CHD4: variants seen among roughly 807,000 people sequenced by gnomAD.
CHD4 encodes the protein chromodomain helicase DNA binding protein 4.
A neutral mutation model predicts 235.5 loss-of-function variants in CHD4; 35 were observed. That is an observed-to-expected ratio of 0.15 (90% CI 0.11 to 0.20). CHD4 has a LOEUF of 0.20. Ranked by LOEUF, CHD4 falls within the 10% of genes least tolerant of loss-of-function variation. CHD4 has a pLI of 1.00. For missense variants in CHD4, 1,329 were observed against 2,432.3 expected (o/e 0.55, Z 9.54); for synonymous variants, 900 against 850.2 (o/e 1.06, Z -1.02).
Position 6,600,576 on chromosome 12 carries a change from G to A in CHD4, c.1021C>T (p.Arg341Cys). 1.2e-6 allele frequency: 2 copies of A among 1,613,880 alleles called. No homozygotes were observed. Among genetic ancestry groups the A allele is most frequent in the Non-Finnish European group, 1.7e-6 (2 of 1,180,002 alleles). ...VSDGSTSRSS[R>C]SRKKLRTTKK... ...GTGGTTCGGAGTTTCTTGCGGCTGC[G>A]GCTACTACGGCTGGTGGAACCATCA... is the stretch of plus-strand genomic sequence containing the variant. Residue 341 changes from arginine to cysteine, a missense_variant, in exon 8 of 40, where the codon CGC becomes TGC. This residue lies in a region of CHD4 where 160 missense variants were observed against 196.6 expected (regional missense o/e 0.81). Transcript: ENST00000544040.
chr12:6,583,229 G>C lies in CHD4; in HGVS notation c.4029C>G (p.Val1343=). The C allele has an allele frequency of 6.2e-7, 1 of 1,614,186 alleles. No individual in the cohort carries two copies. Among genetic ancestry groups the C allele is most frequent in the Non-Finnish European group, 8.5e-7 (1 of 1,180,042 alleles). ...LGKGKRIRKQ[V]NYNDGSQEDR... ...CCTCCTGGGAGCCATCATTGTAGTT[G>C]ACCTGTTTACGGATTCTTTTTCCTT... is the stretch of plus-strand genomic sequence containing the variant. Residue 1343 remains valine (V), a synonymous_variant, in exon 26 of 40, where the codon GTC becomes GTG. Coordinates refer to ENST00000544040, the MANE Select transcript of CHD4 (RefSeq NM_001273.5).
rs771683570 is a variant in CHD4 at position 6,591,872 on chromosome 12, G to A, written c.3090+44C>T. Reference sequence around the variant, plus strand: ...AAAGTATTAAAAGAAAGCCCACATGGAGAAGACCCAACCCAGGGAGGAACA... The same window carrying A: ...AAAGTATTAAAAGAAAGCCCACATGAAGAAGACCCAACCCAGGGAGGAACA... On this transcript the variant is annotated intron_variant, in intron 20 of 39. Coordinates refer to ENST00000544040, the MANE Select transcript of CHD4 (RefSeq NM_001273.5). 9 of 1,613,894 alleles carry A rather than the reference G, an allele frequency of 5.6e-6. No individual in the cohort carries two copies. The Middle Eastern group carries it at 4.9e-4, about 88-fold the overall frequency.
rs1948722495 is a variant in CHD4 at position 6,607,303 on chromosome 12, G to C, written c.-82C>G. 1 of 152,022 alleles carries C rather than the reference G, an allele frequency of 6.6e-6. No individual in the cohort carries two copies. The highest frequency in any genetic ancestry group is 2.0e-4 in the East Asian group (1 of 5,128). 9.4% of individuals were successfully genotyped at this position (152,022 alleles called of 1,614,324 possible). A position where few individuals can be genotyped will look rare whatever the true frequency, so the allele number is the denominator to read the frequency against. ...GGGAACCCCGCGCTCTCCTCACCCCGGAGCCGCCGCAGGTCGCGCTGGGTC... is the reference window on the plus strand; with the variant it reads ...GGGAACCCCGCGCTCTCCTCACCCCCGAGCCGCCGCAGGTCGCGCTGGGTC... On this transcript the variant is annotated 5_prime_UTR_variant, in exon 1 of 40. Coordinates refer to ENST00000544040, the MANE Select transcript of CHD4 (RefSeq NM_001273.5).
At chr12:6,573,053 G>A (rs753428770) in intron 38 of CHD4, 21 bp downstream of exon 38, 10 of 1,588,782 alleles carry the variant, frequency 6.3e-6, no homozygotes, top group East Asian at 2.3e-5. Context: ...ATCGGCAGGA[G>A]GCAGGGGAGC....
intron 38 of CHD4, chr12:6,571,685 G>A (rs1474910296): frequency 6.6e-6 from 1 of 152,232 alleles, no homozygotes; most frequent in Non-Finnish European, 1.5e-5. Context: ...ATTAGCTGGG[G>A]CGCAGTGGCT....
At chr12:6,603,481 GA>G (rs1248296992) in intron 2 of CHD4, among the ~76,000 whole-genome samples, 1 of 147,702 alleles carries the variant, frequency 6.8e-6, no homozygotes, top group Non-Finnish European at 1.5e-5. Context: ...CCTGACCGCA[GA>G]AGCCAGCCCA....
chr12:6,598,321 C>T lies in CHD4; in HGVS notation c.1587G>A (p.Thr529=), dbSNP rs746604364. ...VPRPPDADPN[T]PSPKPLEGRP... is the part of the protein sequence containing the mutation. ...GCCCCTCCAAGGGCTTTGGGGAGGG[C>T]GTGTTGGGATCAGCATCTGGAGGCC... is the stretch of plus-strand genomic sequence containing the variant. Residue 529 remains threonine (T), a synonymous_variant, in exon 11 of 40, where the codon ACG becomes ACA. Transcript: ENST00000544040. 6.8e-6 allele frequency: 11 copies of T among 1,613,982 alleles called. No homozygotes were observed. The highest frequency in any genetic ancestry group is 5.0e-5 in the Admixed American group (3 of 59,992).
chr12:6,575,823 C>CACCCAACA (rs1206711264), intron 37 of CHD4, among the ~76,000 whole-genome samples: 1 of 152,182 alleles, frequency 6.6e-6, no homozygotes, highest in Non-Finnish European at 1.5e-5. Flanking sequence ...CTCCCACCAT[C>CACCCAACA]ACCCAACACA....
intron 10 of CHD4, among the ~76,000 whole-genome samples, chr12:6,598,956 G>T (rs905276957): frequency 6.6e-6 from 1 of 152,216 alleles, no homozygotes; most frequent in Non-Finnish European, 1.5e-5. Flanking sequence ...TGCTCAACCT[G>T]TAATAGAATT....
At chr12:6,589,276 G>A (rs900520009) in intron 22 of CHD4, among the ~76,000 whole-genome samples, 1 of 152,034 alleles carries the variant, frequency 6.6e-6, no homozygotes, top group East Asian at 1.9e-4. Context: ...TACTAATATC[G>A]GTGTGAAAGT....
At chr12:6,605,469 A>T (rs1199953091) in intron 2 of CHD4, among the ~76,000 whole-genome samples, 1 of 152,180 alleles carries the variant, frequency 6.6e-6, no homozygotes, top group African/African-American at 2.4e-5. Context: ...GGGTTTGGCC[A>T]GTTCATGAAG....
chr12:6,572,712 G>A (rs996419724), intron 38 of CHD4, among the ~76,000 whole-genome samples: 8 of 152,058 alleles, frequency 5.3e-5, no homozygotes, highest in East Asian at 1.9e-4. Context: ...CGTGCGTTGC[G>A]CCACATGCCC....
rs376615761 is a variant in CHD4 at position 6,599,733 on chromosome 12, A to G, written c.1482+40T>C. On this transcript the variant is annotated intron_variant, in intron 10 of 39. Transcript: ENST00000544040. ...CAATAGCCTACATAGAAAAGACTAC[A>G]CTTTCCCATTTTTTGCCCCGGCTGA... The G allele has an allele frequency of 4.3e-5, 69 of 1,613,130 alleles. No homozygotes were observed. The South Asian group carries it at 6.4e-4, about 15-fold the overall frequency.
In CHD4 at chr12:6,596,937, C is replaced by A. The variant is rs192609002; in HGVS notation, c.1893-800G>T. 4.5e-4 allele frequency among the ~76,000 whole-genome samples: 65 copies of A among 144,098 alleles called. No homozygotes were observed. In the East Asian group the frequency reaches 1.0e-2, roughly 22 times the overall value. The allele number at this position is 144,098 out of a possible 152,430, so 94.5% of individuals were successfully genotyped here. Reference sequence around the variant, plus strand: ...TCATACCACTGCACTCCAGGCTGGGCCACAGAGCAAGACTCTGTCTCAAAA... The same window carrying A: ...TCATACCACTGCACTCCAGGCTGGGACACAGAGCAAGACTCTGTCTCAAAA... On this transcript the variant is annotated intron_variant, in intron 12 of 39. Transcript: ENST00000544040.
intron 21 of CHD4, 27 bp downstream of exon 21, chr12:6,591,666 TC>T (rs1251361347): frequency 6.2e-7 from 1 of 1,614,136 alleles, no homozygotes; most frequent in African/African-American, 1.3e-5. Flanking sequence ...CTATGACTGT[TC>T]CCTAAAGCTC....
intron 37 of CHD4, among the ~76,000 whole-genome samples, chr12:6,574,187 A>G (rs1948028535): frequency 6.6e-6 from 1 of 152,138 alleles, no homozygotes; most frequent in African/African-American, 2.4e-5. Context: ...TATGTTTCTA[A>G]GTTACAGAAT....
At chr12:6,583,925 A>G (rs1257074003) in intron 25 of CHD4, 1 of 152,270 alleles carries the variant, frequency 6.6e-6, no homozygotes, top group Non-Finnish European at 1.5e-5. Context: ...ACACTTGAGG[A>G]CCACTCACTG....
intron 24 of CHD4, 47 bp from the exon 25 acceptor site, chr12:6,587,606 T>G (rs369320818): frequency 1.2e-6 from 2 of 1,609,934 alleles, no homozygotes; most frequent in Non-Finnish European, 1.7e-6. Flanking sequence ...TTTCAGCAGC[T>G]GCAGTGGAAA....
chr12:6,598,112 A>T lies in CHD4; in HGVS notation c.1687-13T>A. Reference sequence around the variant, plus strand: ...AGTGCAGCTCCAGCTTTGAGCGGAAAGAGAAAATCAGCCACCAAGAAGCTG... The same window carrying T: ...AGTGCAGCTCCAGCTTTGAGCGGAATGAGAAAATCAGCCACCAAGAAGCTG... On this transcript the variant is annotated splice_polypyrimidine_tract_variant and intron_variant, in intron 11 of 39. Coordinates refer to ENST00000544040, the MANE Select transcript of CHD4 (RefSeq NM_001273.5). 11 of 1,614,030 alleles carry T rather than the reference A, an allele frequency of 6.8e-6. No individual in the cohort carries two copies. The highest frequency in any genetic ancestry group is 9.3e-6 in the Non-Finnish European group (11 of 1,179,946).
Sources: allele counts gnomAD v4.1 joint callset (sites outside exome capture counted in the v4.1 genomes callset), GRCh38; gene constraint gnomAD v4.1.1; regional missense constraint gnomAD v4.1.1; transcripts MANE v1.5; gene names NCBI Gene and HGNC (gene_info 2026-07-23, HGNC 2026-07-21).